PLA2G12B: variants seen among roughly 807,000 people sequenced by gnomAD.
PLA2G12B encodes phospholipase A2 group XIIB.
In PLA2G12B, 19 loss-of-function variants were observed where a neutral mutation model predicts 22.3. The ratio of observed to expected loss-of-function variants is 0.85; its 90% confidence interval spans 0.60 to 1.25. PLA2G12B has a LOEUF of 1.25. Among genes scored for constraint, PLA2G12B ranks in the 50% most tolerant of loss-of-function variants. The pLI is 0.00. For synonymous variants in PLA2G12B, 81 were observed against 94.9 expected, an observed-to-expected ratio of 0.85 and a Z score of 0.85; for missense variants, 191 against 246.6, an observed-to-expected ratio of 0.77 and a Z score of 1.51.
chr10:72,948,233 G>T (rs1236412048), intron 1 of PLA2G12B, among the ~76,000 whole-genome samples: 1 of 152,098 alleles, frequency 6.6e-6, no homozygotes, highest in Non-Finnish European at 1.5e-5. Context: ...CACAGACTTG[G>T]CTCGGTTTCT....
At chr10:72,943,657 G>A (rs1455098374) in intron 1 of PLA2G12B, among the ~76,000 whole-genome samples, 1 of 152,118 alleles carries the variant, frequency 6.6e-6, no homozygotes, top group Non-Finnish European at 1.5e-5. Context: ...TTGTATCAAT[G>A]GCAGTGCTCA....
At position 72,954,675 on chromosome 10, in the gene PLA2G12B, G is replaced by A. The variant is rs777473439; in HGVS notation, c.11C>T (p.Ala4Val). The A allele has an allele frequency of 8.1e-6, 13 of 1,613,882 alleles. No individual in the cohort carries two copies. The South Asian group carries it at 1.4e-4, about 18-fold the overall frequency. Residue 4 changes from alanine to valine, a missense_variant, in exon 1 of 4, where the codon GCC becomes GTC. Ala to Val is a moderately conservative substitution (Grantham distance 64). Coordinates refer to ENST00000373032, the MANE Select transcript of PLA2G12B (RefSeq NM_032562.5). ...GAGCCACAAAACCAAGAAGCCACTG[G>A]CCAGCTTCATCCTGCAGCCAGGTAG... MKL[A>V]SGFLVLWLSL... is the part of the protein sequence containing the mutation.
intron 3 of PLA2G12B, among the ~76,000 whole-genome samples, chr10:72,936,103 C>T (rs541466153): frequency 7.2e-5 from 11 of 152,252 alleles, no homozygotes; most frequent in African/African-American, 2.4e-4. Flanking sequence ...CACCGAATCT[C>T]GCCTATAGCT....
At chr10:72,945,204 G>C (rs1483550581) in intron 1 of PLA2G12B, among the ~76,000 whole-genome samples, 1 of 152,172 alleles carries the variant, frequency 6.6e-6, no homozygotes, top group Non-Finnish European at 1.5e-5. Flanking sequence ...TCACCTCCTT[G>C]TATATAGTCC....
intron 3 of PLA2G12B, among the ~76,000 whole-genome samples, chr10:72,939,052 G>C (rs571267207): frequency 6.6e-6 from 1 of 152,216 alleles, no homozygotes; most frequent in African/African-American, 2.4e-5. Context: ...TCTAGAGGTA[G>C]AAAGTAGATT....
At chr10:72,954,166 A>G (rs1294422864) in intron 1 of PLA2G12B, among the ~76,000 whole-genome samples, 1 of 152,196 alleles carries the variant, frequency 6.6e-6, no homozygotes, top group Non-Finnish European at 1.5e-5. Flanking sequence ...CAAACTCATT[A>G]AAATGGCCCA....
At chr10:72,940,725 C>G (rs966363228) in intron 3 of PLA2G12B, among the ~76,000 whole-genome samples, 4 of 151,646 alleles carry the variant, frequency 2.6e-5, no homozygotes, top group Non-Finnish European at 4.4e-5. Flanking sequence ...TATATAGAGA[C>G]CTTTATGCAG....
Position 72,935,565 on chromosome 10 carries a change from G to A in PLA2G12B, c.*52C>T. ...CGCTGACTCGAAGACTTGACATCTT[G>A]AAGGCTGACAGCTGTGGTGTCACTC... On this transcript the variant is annotated 3_prime_UTR_variant, in exon 4 of 4. Coordinates refer to ENST00000373032, the MANE Select transcript of PLA2G12B (RefSeq NM_032562.5). 6.2e-7 allele frequency: 1 copy of A among 1,605,596 alleles called. No individual in the cohort carries two copies. Among genetic ancestry groups the A allele is most frequent in the Non-Finnish European group, 8.5e-7 (1 of 1,175,064 alleles).
chr10:72,937,135 C>CG (rs1431618959), intron 3 of PLA2G12B, among the ~76,000 whole-genome samples: 3 of 151,602 alleles, frequency 2.0e-5, no homozygotes, highest in Non-Finnish European at 4.4e-5. Flanking sequence ...GGCGTGAACC[C>CG]GGAGGCAGAG....
intron 2 of PLA2G12B, among the ~76,000 whole-genome samples, chr10:72,941,959 G>A (rs1846368703): frequency 6.6e-6 from 1 of 152,024 alleles, no homozygotes; most frequent in Non-Finnish European, 1.5e-5. Context: ...AACTGTAAAT[G>A]TAGTGGCATA....
In PLA2G12B at chr10:72,950,299, T is replaced by C. The variant is rs1338437643; in HGVS notation, c.211+4176A>G. Among the ~76,000 whole-genome samples the C allele has an allele frequency of 2.0e-5, 3 of 152,172 alleles. No individual in the cohort carries two copies. In the East Asian group the frequency reaches 5.8e-4, roughly 29 times the overall value. ...TTGCCCAAAAACAAGAATAATCTGT[T>C]TGCCTCTAAGCCAGTGGCTGTTTTC... On this transcript the variant is annotated intron_variant, in intron 1 of 3. Coordinates refer to ENST00000373032, the MANE Select transcript of PLA2G12B (RefSeq NM_032562.5).
intron 1 of PLA2G12B, 121 bp from the exon 2 acceptor site, chr10:72,942,861 T>G (rs1336934260): frequency 2.6e-6 from 2 of 773,224 alleles, no homozygotes; most frequent in Admixed American, 2.6e-5. Context: ...AAGTCACTGT[T>G]CCTCACATCC....
chr10:72,948,948 G>A (rs1589545490), intron 1 of PLA2G12B, among the ~76,000 whole-genome samples: 2 of 152,158 alleles, frequency 1.3e-5, no homozygotes, highest in South Asian at 2.1e-4. Context: ...TCCCGGGCCC[G>A]CCCTTTTATC....
At position 72,947,442 on chromosome 10, in the gene PLA2G12B, G is replaced by A. The variant is rs576827622; in HGVS notation, c.212-4702C>T. 3.9e-5 allele frequency among the ~76,000 whole-genome samples: 6 copies of A among 152,152 alleles called. No individual in the cohort carries two copies. In the South Asian group the frequency reaches 1.0e-3, roughly 26 times the overall value. On this transcript the variant is annotated intron_variant, in intron 1 of 3. Coordinates refer to ENST00000373032, the MANE Select transcript of PLA2G12B (RefSeq NM_032562.5). Reference sequence around the variant, plus strand: ...TTTTGTGGAGATGGGGTTTGGCTATGTTGCCCAAGCTAGTCTTGAATTCCC... The same window carrying A: ...TTTTGTGGAGATGGGGTTTGGCTATATTGCCCAAGCTAGTCTTGAATTCCC...
At chr10:72,936,131 G>A (rs1461683333) in intron 3 of PLA2G12B, among the ~76,000 whole-genome samples, 1 of 152,048 alleles carries the variant, frequency 6.6e-6, no homozygotes, top group Non-Finnish European at 1.5e-5. Context: ...TTCAAGTATT[G>A]GATGAACAAC....
rs759285830 is a variant in PLA2G12B, at chr10:72,935,767, G to A, written c.467-29C>T. 2.5e-6 allele frequency: 4 copies of A among 1,609,078 alleles called. No individual in the cohort carries two copies. The South Asian group carries it at 3.3e-5, about 13-fold the overall frequency. ...GAAAAAGATGAAGAGGGACAGAAAG[G>A]TTAACCCTGAGTAATTTTGAAGAGT... On this transcript the variant is annotated intron_variant, in intron 3 of 3. Transcript: ENST00000373032.
At chr10:72,952,856 C>A (rs1846553805) in intron 1 of PLA2G12B, among the ~76,000 whole-genome samples, 1 of 152,198 alleles carries the variant, frequency 6.6e-6, no homozygotes. Context: ...GCCAGAGGCT[C>A]CGCAACTAAA....
intron 1 of PLA2G12B, among the ~76,000 whole-genome samples, chr10:72,944,384 C>T (rs1846409056): frequency 6.6e-6 from 1 of 152,098 alleles, no homozygotes; most frequent in Admixed American, 6.6e-5. Context: ...TATCATTCTG[C>T]AAAATTGTCT....
intron 1 of PLA2G12B, among the ~76,000 whole-genome samples, chr10:72,953,698 GT>G (rs1335859581): frequency 2.0e-5 from 3 of 152,106 alleles, no homozygotes; most frequent in African/African-American, 7.2e-5. Flanking sequence ...CAGGGGCTCT[GT>G]GCCGGCAGCC....
Sources: gnomAD v4.1 joint callset for allele counts (sites outside exome capture counted in the v4.1 genomes callset) on GRCh38, gnomAD v4.1.1 for gene constraint, MANE v1.5 for transcripts, NCBI Gene and HGNC (gene_info 2026-07-23, HGNC 2026-07-21) for gene names.